NBEA: variants seen among roughly 807,000 people sequenced by gnomAD.
The protein encoded by NBEA is neurobeachin, also known as lysosomal-trafficking regulator 2.
NBEA carries 44 observed loss-of-function variants against 343.4 expected under a neutral mutation model. The ratio of observed to expected loss-of-function variants is 0.13; its 90% CI spans 0.10 to 0.16. The LOEUF is 0.16. Among genes scored for constraint, NBEA ranks in the 10% least tolerant of loss-of-function variants. The pLI is 1.00. For synonymous variants in NBEA, 1,175 were observed against 1,238.7 expected (o/e 0.95, Z 1.08); for missense variants, 2,555 against 3,631.3 (o/e 0.70, Z 7.62).
intron 17 of NBEA, among the ~76,000 whole-genome samples, chr13:35,141,264 T>C (rs986959744): frequency 2.0e-5 from 3 of 151,842 alleles, no homozygotes; most frequent in African/African-American, 7.3e-5. Flanking sequence ...TGAATTCTTT[T>C]TTTGTTTTTT....
At chr13:35,202,826 C>T (rs2073114689) in intron 31 of NBEA, among the ~76,000 whole-genome samples, 1 of 152,136 alleles carries the variant, frequency 6.6e-6, no homozygotes, top group Non-Finnish European at 1.5e-5. Context: ...AAGAAAGCTG[C>T]TCCAACCATA....
chr13:35,347,590 A>G (rs2039956642), intron 36 of NBEA, among the ~76,000 whole-genome samples: 1 of 152,090 alleles, frequency 6.6e-6, no homozygotes, highest in Non-Finnish European at 1.5e-5. Context: ...GAAGACACAA[A>G]AAGGCCAAAT....
At chr13:35,164,074 A>G (rs1054161804) in intron 23 of NBEA, among the ~76,000 whole-genome samples, 2 of 152,116 alleles carry the variant, frequency 1.3e-5, no homozygotes, top group African/African-American at 4.8e-5. Flanking sequence ...TTTTTAGCCA[A>G]ATTTGTTGAG....
At chr13:35,054,214 C>A (rs1422289769) in intron 6 of NBEA, among the ~76,000 whole-genome samples, 1 of 151,910 alleles carries the variant, frequency 6.6e-6, no homozygotes, top group African/African-American at 2.4e-5. Context: ...AAGTTTGTGT[C>A]TTCTGTGTTA....
chr13:35,137,850 AGAAT>A (rs1186863903), intron 17 of NBEA, among the ~76,000 whole-genome samples: 1 of 152,186 alleles, frequency 6.6e-6, no homozygotes, highest in Admixed American at 6.5e-5. Flanking sequence ...TATAGTAGAA[AGAAT>A]GAGTATTAAG....
At chr13:35,013,657 C>T (rs373162401) in intron 1 of NBEA, among the ~76,000 whole-genome samples, 8 of 151,774 alleles carry the variant, frequency 5.3e-5, no homozygotes, top group African/African-American at 1.7e-4. Flanking sequence ...TTAGCAGAGA[C>T]GGAATTTCAC....
At chr13:35,463,783 T>C (rs367631623) in intron 40 of NBEA, among the ~76,000 whole-genome samples, 1 of 151,594 alleles carries the variant, frequency 6.6e-6, no homozygotes, top group African/African-American at 2.4e-5. Context: ...AAATGGAAAC[T>C]CATGTCTAGA....
At chr13:35,640,501 G>A (rs1436184780) in intron 49 of NBEA, among the ~76,000 whole-genome samples, 1 of 152,172 alleles carries the variant, frequency 6.6e-6, no homozygotes, top group Non-Finnish European at 1.5e-5. Context: ...CCCATGCACG[G>A]TGGCCCTGAC....
intron 41 of NBEA, among the ~76,000 whole-genome samples, chr13:35,531,802 G>A (rs9574098): frequency 0.04 from 6,155 of 152,242 alleles, 345 homozygotes; most frequent in East Asian, 0.22. Flanking sequence ...GCCCAGCAAG[G>A]CTTCCCTACT....
chr13:34,967,724 A>G (rs1217605593), intron 1 of NBEA, among the ~76,000 whole-genome samples: 1 of 152,122 alleles, frequency 6.6e-6, no homozygotes, highest in Non-Finnish European at 1.5e-5. Context: ...GTCTATTACA[A>G]CTACTCACCC....
intron 38 of NBEA, among the ~76,000 whole-genome samples, chr13:35,418,141 T>G (rs2044049811): frequency 6.6e-6 from 1 of 152,132 alleles, no homozygotes; most frequent in Non-Finnish European, 1.5e-5. Context: ...TGTGTCTGCA[T>G]GTGAGATGTG....
intron 11 of NBEA, among the ~76,000 whole-genome samples, chr13:35,098,632 A>G (rs577780851): frequency 5.9e-5 from 9 of 152,196 alleles, no homozygotes; most frequent in African/African-American, 9.7e-5. Flanking sequence ...ATTTACATCT[A>G]TATCTATTCA....
intron 18 of NBEA, among the ~76,000 whole-genome samples, chr13:35,154,982 T>C (rs2152707185): frequency 6.6e-6 from 1 of 151,690 alleles, no homozygotes; most frequent in South Asian, 2.1e-4. Flanking sequence ...GAAAAATAAT[T>C]AGCTGTGTGT....
intron 18 of NBEA, among the ~76,000 whole-genome samples, chr13:35,153,208 A>T (rs1319623763): frequency 6.6e-6 from 1 of 150,870 alleles, no homozygotes; most frequent in Non-Finnish European, 1.5e-5. Flanking sequence ...AATTTTTTGT[A>T]TTTTTTAGTA....
chr13:35,475,440 C>A, intron 41 of NBEA: 1 of 1,613,454 alleles, frequency 6.2e-7, no homozygotes, highest in East Asian at 2.2e-5. Context: ...CCTCCGCGAA[C>A]TGCAGCACCC....
chr13:35,547,786 G>A (rs531057638), intron 41 of NBEA, among the ~76,000 whole-genome samples: 1 of 152,112 alleles, frequency 6.6e-6, no homozygotes, highest in Non-Finnish European at 1.5e-5. Flanking sequence ...CTACTTGAGA[G>A]GCTGAAGCAG....
chr13:35,664,175 A>G (rs1317258724), intron 55 of NBEA, among the ~76,000 whole-genome samples: 1 of 152,164 alleles, frequency 6.6e-6, no homozygotes, highest in Non-Finnish European at 1.5e-5. Flanking sequence ...ATAAGTGCCA[A>G]AGAAGGGGCT....
At chr13:35,099,464 T>C (rs890110959) in intron 11 of NBEA, among the ~76,000 whole-genome samples, 1 of 152,162 alleles carries the variant, frequency 6.6e-6, no homozygotes, top group Non-Finnish European at 1.5e-5. Flanking sequence ...ACTCCCAGCG[T>C]GCTGGGATTA....
At chr13:35,284,380 T>G (rs567069219) in intron 34 of NBEA, among the ~76,000 whole-genome samples, 23 of 152,142 alleles carry the variant, frequency 1.5e-4, no homozygotes, top group Non-Finnish European at 3.2e-4. Context: ...TTGTTAAAAT[T>G]TATAATCCAA....
Sources: gnomAD v4.1 joint callset for allele counts (sites outside exome capture counted in the v4.1 genomes callset) on GRCh38, gnomAD v4.1.1 for gene constraint, MANE v1.5 for transcripts, NCBI Gene and HGNC (gene_info 2026-07-23, HGNC 2026-07-21) for gene names.